The following HIPK2 variants were observed in gnomAD, a reference collection of about 807,000 sequenced individuals.
HIPK2 encodes the protein homeodomain-interacting protein kinase 2.
HIPK2 carries 27 observed loss-of-function variants against 113.7 expected under a neutral mutation model. That is an observed-to-expected ratio of 0.24 (90% CI 0.17 to 0.33). The LOEUF is 0.33. HIPK2 is among the 10% of genes least tolerant of loss of function. HIPK2 has a pLI of 1.00. For synonymous variants in HIPK2, 631 were observed against 642.2 expected, an observed-to-expected ratio of 0.98 and a Z score of 0.26; for missense variants, 1,257 against 1,588.0, an observed-to-expected ratio of 0.79 and a Z score of 3.54.
intron 12 of HIPK2, among the ~76,000 whole-genome samples, chr7:139,586,262 C>T (rs1798828547): frequency 6.6e-6 from 1 of 152,168 alleles, no homozygotes; most frequent in Non-Finnish European, 1.5e-5. Flanking sequence ...TATGCTTGTT[C>T]CTCAAAAAGC....
At chr7:139,616,404 C>A (rs966111342) in intron 7 of HIPK2, among the ~76,000 whole-genome samples, 2 of 152,186 alleles carry the variant, frequency 1.3e-5, no homozygotes, top group Non-Finnish European at 2.9e-5. Context: ...ACATGGTATG[C>A]GCCTGGTCTA....
intron 2 of HIPK2, among the ~76,000 whole-genome samples, chr7:139,702,005 G>A (rs1794722669): frequency 6.6e-6 from 1 of 152,180 alleles, no homozygotes; most frequent in Non-Finnish European, 1.5e-5. Flanking sequence ...CCCAGGTTAG[G>A]GATCTGGACG....
At chr7:139,734,639 G>A (rs1795887864) in intron 1 of HIPK2, among the ~76,000 whole-genome samples, 1 of 152,240 alleles carries the variant, frequency 6.6e-6, no homozygotes, top group African/African-American at 2.4e-5. Flanking sequence ...TTCATGGTAA[G>A]CTCACAAGCC....
intron 2 of HIPK2, among the ~76,000 whole-genome samples, chr7:139,657,475 T>A (rs763978693): frequency 3.3e-5 from 5 of 152,226 alleles, no homozygotes; most frequent in Non-Finnish European, 5.9e-5. Context: ...CACCTTCAGC[T>A]GCACATCTCT....
chr7:139,738,668 G>C (rs56840127), intron 1 of HIPK2, among the ~76,000 whole-genome samples: 25,644 of 152,140 alleles, frequency 0.17, 2,202 homozygotes, highest in African/African-American at 0.2. Flanking sequence ...AAAACAAATG[G>C]GGTGAAGTGA....
At chr7:139,748,249 C>T (rs1273712914) in intron 1 of HIPK2, among the ~76,000 whole-genome samples, 1 of 152,076 alleles carries the variant, frequency 6.6e-6, no homozygotes, top group Non-Finnish European at 1.5e-5. Flanking sequence ...CATCCAGACT[C>T]CCACGCTCCG....
chr7:139,682,237 A>T (rs1802729602), intron 2 of HIPK2, among the ~76,000 whole-genome samples: 1 of 152,148 alleles, frequency 6.6e-6, no homozygotes, highest in African/African-American at 2.4e-5. Context: ...CAGCCTCATC[A>T]TCCACCACAT....
rs1293191453 is a variant in HIPK2, at chr7:139,633,647, TA to T, written c.1104-1923del. ...GGCAACAGAGTGAGACCCTGTTTCT[TA>T]AAAAAAAAAAAAGGGGTTAGGCGCA... is the stretch of plus-strand genomic sequence containing the variant. On this transcript the variant is annotated intron_variant, in intron 2 of 14. Transcript: ENST00000406875. Among the ~76,000 whole-genome samples, 458 of 130,618 alleles carry T rather than the reference TA, an allele frequency of 3.5e-3. 2 individuals are homozygous for T. The highest frequency in any genetic ancestry group is 5.2e-3 in the African/African-American group (183 of 35,006). The allele number at this position is 130,618 out of a possible 152,430, so 85.7% of individuals were successfully genotyped here.
intron 1 of HIPK2, among the ~76,000 whole-genome samples, chr7:139,720,022 T>G (rs145426086): frequency 6.6e-6 from 1 of 152,378 alleles, no homozygotes; most frequent in African/African-American, 2.4e-5. Flanking sequence ...TACATTTACA[T>G]GTTGATTCCA....
At chr7:139,771,728 G>A in intron 1 of HIPK2, among the ~76,000 whole-genome samples, 1 of 152,096 alleles carries the variant, frequency 6.6e-6, no homozygotes, top group East Asian at 1.9e-4. Context: ...AGTTTTAACT[G>A]CCACCATTTT....
At chr7:139,753,680 G>A (rs1181078192) in intron 1 of HIPK2, among the ~76,000 whole-genome samples, 1 of 152,246 alleles carries the variant, frequency 6.6e-6, no homozygotes, top group East Asian at 1.9e-4. Flanking sequence ...TGCTTGCAGA[G>A]TGGCTCTGAA....
At chr7:139,667,395 GATC>G (rs1010352607) in intron 2 of HIPK2, among the ~76,000 whole-genome samples, 1 of 152,142 alleles carries the variant, frequency 6.6e-6, no homozygotes, top group Non-Finnish European at 1.5e-5. Context: ...TAAGGAATGA[GATC>G]ATCAGGTAAA....
chr7:139,667,532 A>C (rs569054193), intron 2 of HIPK2, among the ~76,000 whole-genome samples: 224 of 152,206 alleles, frequency 1.5e-3, no homozygotes, highest in Non-Finnish European at 3.0e-3. Context: ...ACAACTAGTA[A>C]CACTGCAGAG....
intron 1 of HIPK2, among the ~76,000 whole-genome samples, chr7:139,720,580 T>G (rs751752693): frequency 4.6e-5 from 7 of 152,222 alleles, no homozygotes; most frequent in Non-Finnish European, 1.0e-4. Context: ...TCCCCCTTAT[T>G]CTAGAACAAC....
intron 12 of HIPK2, 38 bp downstream of exon 12, chr7:139,596,679 C>T (rs369469890): frequency 2.2e-5 from 35 of 1,598,128 alleles, no homozygotes; most frequent in African/African-American, 1.9e-4. Flanking sequence ...CAAACCCTCC[C>T]GGCTCCTTCC....
intron 2 of HIPK2, among the ~76,000 whole-genome samples, chr7:139,641,368 CAAAAA>C (rs1404225110): frequency 1.1e-5 from 1 of 88,230 alleles, no homozygotes. Flanking sequence ...GACTCAGTCT[CAAAAA>C]AAAAAAAAAA....
intron 12 of HIPK2, among the ~76,000 whole-genome samples, chr7:139,594,212 A>C (rs1392838021): frequency 1.3e-5 from 2 of 152,006 alleles, no homozygotes; most frequent in Non-Finnish European, 2.9e-5. Context: ...TTTCCCTTTG[A>C]GTTCCCATGG....
chr7:139,694,575 G>A (rs892720009), intron 2 of HIPK2, among the ~76,000 whole-genome samples: 35 of 152,082 alleles, frequency 2.3e-4, no homozygotes, highest in Non-Finnish European at 3.5e-4. Flanking sequence ...AAGCGTTCTC[G>A]CCACCTGCCA....
chr7:139,626,667 G>A lies in HIPK2; in HGVS notation c.1553C>T (p.Pro518Leu). The change falls in exon 6 of 15, where the codon CCA becomes CTA. Residue 518 changes from proline to leucine, a missense_variant. Around this residue, in one of 5 missense-constraint regions of HIPK2, gnomAD observed 862 missense variants for 1,004.3 expected, o/e 0.86. Coordinates refer to ENST00000406875, the MANE Select transcript of HIPK2 (RefSeq NM_022740.5). The part of the protein sequence containing the change: ...LTIDADKRIT[P>L]IETLNHPFVT... ...AAAGGGATGGTTCAGGGTTTCGATTGGAGTGATTCTCTTGTCAGCATCAAT... is the reference window on the plus strand; with the variant it reads ...AAAGGGATGGTTCAGGGTTTCGATTAGAGTGATTCTCTTGTCAGCATCAAT... 1 of 1,613,958 alleles carries A rather than the reference G, an allele frequency of 6.2e-7. No individual in the cohort carries two copies. Among genetic ancestry groups the A allele is most frequent in the Non-Finnish European group, 8.5e-7 (1 of 1,179,884 alleles).
Sources: gnomAD v4.1 joint callset for allele counts (sites outside exome capture counted in the v4.1 genomes callset) on GRCh38, gnomAD v4.1.1 for gene constraint, gnomAD v4.1.1 regional missense constraint, MANE v1.5 for transcripts, NCBI Gene and HGNC (gene_info 2026-07-23, HGNC 2026-07-21) for gene names.